The following KIAA0930 variants were observed in gnomAD, a reference collection of about 807,000 sequenced individuals.
KIAA0930 encodes the protein uncharacterized protein KIAA0930.
A neutral mutation model predicts 43.9 loss-of-function variants in KIAA0930; 24 were observed. That is an observed-to-expected ratio of 0.55 (90% CI 0.40 to 0.77). The LOEUF (loss-of-function observed/expected upper bound fraction) is 0.77, where lower values mean the gene tolerates loss of function less well. Among genes scored for constraint, KIAA0930 ranks in the 30% least tolerant of loss-of-function variants. The pLI, the probability that KIAA0930 is intolerant of heterozygous loss-of-function variation, is 0.00. For synonymous variants in KIAA0930, 259 were observed against 216.4 expected (o/e 1.20, Z -1.73); for missense variants, 461 against 574.2 (o/e 0.80, Z 2.02).
intron 1 of KIAA0930, 92 bp downstream of exon 1, chr22:45,240,548 A>C: frequency 1.1e-6 from 1 of 870,546 alleles, no homozygotes; most frequent in Non-Finnish European, 1.8e-6. Flanking sequence ...AGAGACAGAG[A>C]TGCGCGGGGC....
chr22:45,223,736 C>T (rs1054508655), intron 1 of KIAA0930, among the ~76,000 whole-genome samples: 1 of 150,472 alleles, frequency 6.6e-6, no homozygotes, highest in African/African-American at 2.5e-5. Flanking sequence ...GATGAGCACC[C>T]AGGGTCAGCA....
chr22:45,222,802 A>G (rs2083775463), intron 1 of KIAA0930, among the ~76,000 whole-genome samples: 1 of 151,672 alleles, frequency 6.6e-6, no homozygotes, highest in South Asian at 2.1e-4. Flanking sequence ...GGAAAGCAGA[A>G]GGAAATATAA....
intron 1 of KIAA0930, 181 bp from the exon 2 acceptor site, chr22:45,212,288 G>A (rs935492386): frequency 3.7e-6 from 6 of 1,613,200 alleles, no homozygotes; most frequent in Non-Finnish European, 5.1e-6. Context: ...AGAGAGGCTG[G>A]AGGACACCTC....
intron 1 of KIAA0930, 75 bp from the exon 2 acceptor site, chr22:45,212,182 C>A (rs188505705): frequency 3.1e-6 from 5 of 1,613,110 alleles, no homozygotes; most frequent in Admixed American, 1.7e-5. Context: ...GGCCAAGCTG[C>A]GCCCATACCC....
rs1429983253 is a variant in KIAA0930, at chr22:45,226,149, C to T, written c.65-14042G>A. 13 of 429,440 alleles carry T rather than the reference C, an allele frequency of 3.0e-5. No individual in the cohort carries two copies. The Admixed American group carries it at 3.2e-4, about 11-fold the overall frequency. The allele number at this position is 429,440 out of a possible 1,614,324, so 26.6% of individuals were successfully genotyped here. A position where few individuals can be genotyped will look rare whatever the true frequency, so the allele number is the denominator to read the frequency against. On this transcript the variant is annotated intron_variant, in intron 1 of 9. Transcript: ENST00000336156. ...GAGAGCACGCGGCAGCCTCTCCACT[C>T]ACCCTCAGCTGCTGGCAGGCAGAAC... is the stretch of plus-strand genomic sequence containing the variant.
intron 6 of KIAA0930, 82 bp downstream of exon 6, chr22:45,203,763 C>T: frequency 6.6e-7 from 1 of 1,504,614 alleles, no homozygotes; most frequent in Middle Eastern, 1.9e-4. Context: ...GGCTGGGGGG[C>T]CCCATGGTAT....
At chr22:45,231,669 TCAGA>T (rs1197746766) in intron 1 of KIAA0930, among the ~76,000 whole-genome samples, 7 of 152,056 alleles carry the variant, frequency 4.6e-5, no homozygotes, top group African/African-American at 9.7e-5. Flanking sequence ...AAATGTACAC[TCAGA>T]CAGGGGTAAA....
chr22:45,228,772 CAT>C (rs201885974), intron 1 of KIAA0930, among the ~76,000 whole-genome samples: 1 of 11,808 alleles, frequency 8.5e-5, no homozygotes. Flanking sequence ...GATCCCTCCC[CAT>C]CCCCCCCAAC....
chr22:45,210,134 C>T (rs1197543822), intron 2 of KIAA0930, among the ~76,000 whole-genome samples: 1 of 152,236 alleles, frequency 6.6e-6, no homozygotes, highest in Non-Finnish European at 1.5e-5. Context: ...GAGAGTGTCT[C>T]AAATGCACCA....
chr22:45,214,406 T>C (rs1601818246), intron 1 of KIAA0930, among the ~76,000 whole-genome samples: 1 of 151,960 alleles, frequency 6.6e-6, no homozygotes, highest in East Asian at 1.9e-4. Flanking sequence ...AACAAACTAG[T>C]GATCCACACT....
At position 45,197,821 on chromosome 22, in the gene KIAA0930, G is replaced by A. The variant is rs370505410; in HGVS notation, c.1143C>T (p.Tyr381=). The change falls in exon 9 of 10, where the codon TAC becomes TAT. Residue 381 remains tyrosine, a synonymous_variant. Transcript: ENST00000336156. Reference sequence around the variant, plus strand: ...AAATCCGATGCAGCGGCAACGTGACGTAGGTTAAGTGTGCATAGAGAAGGA... The same window carrying A: ...AAATCCGATGCAGCGGCAACGTGACATAGGTTAAGTGTGCATAGAGAAGGA... ...GNFLLYAHLT[Y]VTLPLHRILT... 62 of 1,614,102 alleles carry A rather than the reference G, an allele frequency of 3.8e-5. No individual in the cohort carries two copies. The highest frequency in any genetic ancestry group is 3.3e-4 in the Middle Eastern group (2 of 6,084).
intron 2 of KIAA0930, among the ~76,000 whole-genome samples, chr22:45,207,393 G>A (rs2083647956): frequency 6.7e-6 from 1 of 149,900 alleles, no homozygotes; most frequent in South Asian, 2.1e-4. Context: ...CACAATCTTG[G>A]CTCACTGCAA....
intron 2 of KIAA0930, among the ~76,000 whole-genome samples, chr22:45,209,509 C>T (rs958737076): frequency 1.3e-5 from 2 of 152,196 alleles, no homozygotes; most frequent in Admixed American, 6.5e-5. Flanking sequence ...CACCCTCCCA[C>T]TCTGCACTCA....
At chr22:45,231,946 G>A (rs1033759601) in intron 1 of KIAA0930, among the ~76,000 whole-genome samples, 2 of 152,170 alleles carry the variant, frequency 1.3e-5, no homozygotes, top group South Asian at 2.1e-4. Flanking sequence ...AGCCGAGATC[G>A]CGCCACTGCA....
intron 6 of KIAA0930, among the ~76,000 whole-genome samples, chr22:45,203,526 C>G (rs896912661): frequency 6.6e-6 from 1 of 152,112 alleles, no homozygotes; most frequent in African/African-American, 2.4e-5. Context: ...CAGGGCCAGT[C>G]GCAGGAAGCA....
At chr22:45,237,545 A>G (rs766347592) in intron 1 of KIAA0930, among the ~76,000 whole-genome samples, 1 of 152,240 alleles carries the variant, frequency 6.6e-6, no homozygotes, top group Non-Finnish European at 1.5e-5. Flanking sequence ...TGACTCAGAG[A>G]ATGACAACCA....
chr22:45,235,539 G>A (rs1038339738), intron 1 of KIAA0930: 6 of 152,024 alleles, frequency 3.9e-5, no homozygotes, highest in African/African-American at 1.2e-4. Flanking sequence ...CTGTGGGGTT[G>A]GAGGGCCCCA....
chr22:45,207,003 T>C (rs1569075019), intron 2 of KIAA0930, among the ~76,000 whole-genome samples: 1 of 151,028 alleles, frequency 6.6e-6, no homozygotes, highest in Non-Finnish European at 1.5e-5. Context: ...CCGGCCTCAA[T>C]TTATTTCTTA....
chr22:45,225,592 C>A (rs1479214919), intron 1 of KIAA0930, among the ~76,000 whole-genome samples: 1 of 152,198 alleles, frequency 6.6e-6, no homozygotes, highest in Admixed American at 6.5e-5. Flanking sequence ...CTCCCTCTCA[C>A]CAGGTCTCGA....
Sources: gnomAD v4.1 joint callset for allele counts (sites outside exome capture counted in the v4.1 genomes callset) on GRCh38, gnomAD v4.1.1 for gene constraint, MANE v1.5 for transcripts, NCBI Gene and HGNC (gene_info 2026-07-23, HGNC 2026-07-21) for gene names.